COL7A1: variants seen among roughly 807,000 people sequenced by gnomAD.
The protein encoded by COL7A1 is collagen alpha-1(VII) chain.
In COL7A1, 296 loss-of-function variants were observed where a neutral mutation model predicts 456.2. The observed-to-expected ratio is 0.65, with a 90% CI of 0.59 to 0.71. COL7A1 has a LOEUF of 0.71. Among genes scored for constraint, COL7A1 ranks in the 30% least tolerant of loss-of-function variants. COL7A1 has a pLI of 0.00. For missense variants in COL7A1, 3,441 were observed against 4,017.2 expected, an observed-to-expected ratio of 0.86 and a Z score of 3.88; for synonymous variants, 1,464 against 1,525.9, an observed-to-expected ratio of 0.96 and a Z score of 0.95.
At chr3:48,589,548 C>G in intron 17 of COL7A1, 51 bp downstream of exon 17, 1 of 1,612,244 alleles carries the variant, frequency 6.2e-7, no homozygotes, top group East Asian at 2.2e-5. Context: ...CCAATAAACC[C>G]CCAGCCCCCA....
In COL7A1 at chr3:48,578,186, C is replaced by A; in HGVS notation, c.5532+135G>T. ...TCTCAAAAAAAAAAAAACTATGTTT[C>A]TGGATGCATCTGTATGTCTGGGCCA... On this transcript the variant is annotated intron_variant, in intron 65 of 118. Coordinates refer to ENST00000681320, the MANE Select transcript of COL7A1 (RefSeq NM_000094.4). This position sits in a 1 kb window ranked among gnomAD's most constrained non-coding sequence, Gnocchi z 4.7. 2 of 985,140 alleles carry A rather than the reference C, an allele frequency of 2.0e-6. 1 individual carries two copies. The highest frequency in any genetic ancestry group is 3.1e-6 in the Non-Finnish European group (2 of 646,380). 61.0% of individuals were successfully genotyped at this position (985,140 alleles called of 1,614,324 possible).
rs748436301 is a variant in COL7A1 at position 48,593,564 on chromosome 3, G to A, written c.399C>T (p.Pro133=). 1.2e-6 allele frequency: 2 copies of A among 1,614,186 alleles called. No homozygotes were observed. Among genetic ancestry groups the A allele is most frequent in the Non-Finnish European group, 1.7e-6 (2 of 1,180,034 alleles). Residue 133 remains proline, a synonymous_variant, in exon 4 of 119, where the codon CCC becomes CCT. Transcript: ENST00000681320. This position sits in a 1 kb window ranked among gnomAD's most constrained non-coding sequence, Gnocchi z 4.4. ...TGGGGACACCAGGTCGGGCCAGCTG[G>A]GGCAGGAAGACATGGTCAGCCACAT... ...ILHVADHVFL[P]QLARPGVPKV...
Position 48,579,163 on chromosome 3 carries a change from AAGGGGACAACCAGGCAGGACT to A in COL7A1, c.5388+13_5388+33del. ...GGGTCCTCATGTGAAGGGGTAGGGG[AAGGGGACAACCAGGCAGGACT>A]ACCAAGACTCACATTCGGCCCAGAG... is the stretch of plus-strand genomic sequence containing the variant. On this transcript the variant is annotated intron_variant, in intron 62 of 118. Coordinates refer to ENST00000681320, the MANE Select transcript of COL7A1 (RefSeq NM_000094.4). The surrounding 1 kb of genome is among the most constrained non-coding windows in gnomAD (Gnocchi z 4.4). The A allele has an allele frequency of 1.9e-6, 3 of 1,609,946 alleles. No individual in the cohort carries two copies. The East Asian group carries it at 6.7e-5, about 36-fold the overall frequency.
rs774563768 is a variant in COL7A1 at position 48,574,861 on chromosome 3, G to C, written c.6284C>G (p.Ser2095Cys). The C allele has an allele frequency of 6.2e-7, 1 of 1,613,862 alleles. No individual in the cohort carries two copies. ...GAGTCCAGGACCTGGCTCATCCACA[G>C]ACACCTACAAACACAAGGTCACAGG... ...GPPGPPGPKV[S>C]VDEPGPGLSG... Residue 2095 changes from serine to cysteine, a missense_variant, in exon 77 of 119, where the codon TCT becomes TGT. This residue lies in a region of COL7A1 where 2,084 missense variants were observed against 2,501.3 expected (regional missense o/e 0.83). Coordinates refer to ENST00000681320, the MANE Select transcript of COL7A1 (RefSeq NM_000094.4). This position sits in a 1 kb window ranked among gnomAD's most constrained non-coding sequence, Gnocchi z 5.0.
rs764349416 is a variant in COL7A1 at position 48,569,924 on chromosome 3, G to A, written c.7486-9C>T. ...CTGCTGCCAGGGGGCCCCTGTGTGA[G>A]AGAAGGTGACCGTGAGCTACAGGAA... On this transcript the variant is annotated splice_polypyrimidine_tract_variant and intron_variant, in intron 99 of 118. Coordinates refer to ENST00000681320, the MANE Select transcript of COL7A1 (RefSeq NM_000094.4). The surrounding 1 kb of genome is among the most constrained non-coding windows in gnomAD (Gnocchi z 4.9). The A allele has an allele frequency of 2.1e-5, 34 of 1,613,908 alleles. No homozygotes were observed. The highest frequency in any genetic ancestry group is 2.7e-5 in the Non-Finnish European group (32 of 1,179,962).
rs2107650087 is a variant in COL7A1 at position 48,571,149 on chromosome 3, T to C, written c.7116A>G (p.Gly2372=). The C allele has an allele frequency of 4.3e-6, 7 of 1,614,090 alleles. No homozygotes were observed. The African/African-American group carries it at 6.7e-5, about 15-fold the overall frequency. ...GCCCAGGGGAGCCCGGGACCCCGAC[T>C]CCTGGGTCACCCTTTGAGGAAAAGA... ...PGPKGFKGDP[G]VGVPGSPGPP... Residue 2372 remains glycine (G), a synonymous_variant, in exon 94 of 119, where the codon GGA becomes GGG. Coordinates refer to ENST00000681320, the MANE Select transcript of COL7A1 (RefSeq NM_000094.4). The surrounding 1 kb of genome is among the most constrained non-coding windows in gnomAD (Gnocchi z 4.6).
Position 48,580,682 on chromosome 3 carries a change from C to T in COL7A1, c.4981-30G>A. The T allele has an allele frequency of 7.4e-6, 12 of 1,612,528 alleles. No individual in the cohort carries two copies. The highest frequency in any genetic ancestry group is 1.0e-5 in the Non-Finnish European group (12 of 1,178,936). On this transcript the variant is annotated intron_variant, in intron 54 of 118. Transcript: ENST00000681320. This position sits in a 1 kb window ranked among gnomAD's most constrained non-coding sequence, Gnocchi z 4.5. ...GAAGAGCAGCTGGCCTGAGACAGAC[C>T]CTCCCAATATTTTGCAGGTGCCCCT...
In COL7A1 at chr3:48,591,323, T is replaced by C; in HGVS notation, c.1636+141A>G. ...GTTGACAGTTCAGGGCTCAGTGCCA[T>C]CTTGGGAAGCAGATGGATAACGAGA... On this transcript the variant is annotated intron_variant, in intron 13 of 118. Transcript: ENST00000681320. The surrounding 1 kb of genome is among the most constrained non-coding windows in gnomAD (Gnocchi z 7.0). 1 of 1,210,584 alleles carries C rather than the reference T, an allele frequency of 8.3e-7. No individual in the cohort carries two copies. Among genetic ancestry groups the C allele is most frequent in the Non-Finnish European group, 1.2e-6 (1 of 864,532 alleles). 75.0% of individuals were successfully genotyped at this position (1,210,584 alleles called of 1,614,324 possible).
Position 48,593,736 on chromosome 3 carries a change from A to T in COL7A1, c.267-40T>A, listed in dbSNP as rs1229581767. The T allele has an allele frequency of 1.2e-6, 2 of 1,613,712 alleles. No homozygotes were observed. Among genetic ancestry groups the T allele is most frequent in the Admixed American group, 3.3e-5 (2 of 60,008 alleles). On this transcript the variant is annotated intron_variant, in intron 3 of 118. Transcript: ENST00000681320. This position sits in a 1 kb window ranked among gnomAD's most constrained non-coding sequence, Gnocchi z 4.4. ...GGGTGGCAACAGGCTAGGACTCAGGATCTCTTCTGGCCCTGGCCTTGAGGA... is the reference window on the plus strand; with the variant it reads ...GGGTGGCAACAGGCTAGGACTCAGGTTCTCTTCTGGCCCTGGCCTTGAGGA...
rs2045978149 is a variant in COL7A1, at chr3:48,594,997, G to A, written c.85+78C>T. The A allele has an allele frequency of 3.3e-6, 4 of 1,217,212 alleles. No individual in the cohort carries two copies. Among genetic ancestry groups the A allele is most frequent in the Non-Finnish European group, 4.7e-6 (4 of 857,782 alleles). 75.4% of individuals were successfully genotyped at this position (1,217,212 alleles called of 1,614,324 possible). ...GTTGGCTGGGTTGTGGGCGGGGGGT[G>A]TTGGGGATGAAGGCCGAGTGGAGCG... On this transcript the variant is annotated intron_variant, in intron 2 of 118. Coordinates refer to ENST00000681320, the MANE Select transcript of COL7A1 (RefSeq NM_000094.4). This position sits in a 1 kb window ranked among gnomAD's most constrained non-coding sequence, Gnocchi z 5.5.
Position 48,592,271 on chromosome 3 carries a change from C to T in COL7A1, c.1094-23G>A, listed in dbSNP as rs1308607759. On this transcript the variant is annotated intron_variant, in intron 9 of 118. Coordinates refer to ENST00000681320, the MANE Select transcript of COL7A1 (RefSeq NM_000094.4). The surrounding 1 kb of genome is among the most constrained non-coding windows in gnomAD (Gnocchi z 7.6). ...CACCTGCATGGGGGACACCAAGGGGCCAGTGGGCCTTGCAGACTCAGGACT... is the reference window on the plus strand; with the variant it reads ...CACCTGCATGGGGGACACCAAGGGGTCAGTGGGCCTTGCAGACTCAGGACT... 1.2e-6 allele frequency: 2 copies of T among 1,613,914 alleles called. No homozygotes were observed. The highest frequency in any genetic ancestry group is 1.1e-5 in the South Asian group (1 of 91,084).
Position 48,565,968 on chromosome 3 carries a change from C to T in COL7A1, c.8407+299G>A, listed in dbSNP as rs1361181811. Among the ~76,000 whole-genome samples, 1 of 152,138 alleles carries T rather than the reference C, an allele frequency of 6.6e-6. No individual in the cohort carries two copies. Among genetic ancestry groups the T allele is most frequent in the African/African-American group, 2.4e-5 (1 of 41,404 alleles). On this transcript the variant is annotated intron_variant, in intron 114 of 118. Coordinates refer to ENST00000681320, the MANE Select transcript of COL7A1 (RefSeq NM_000094.4). This position sits in a 1 kb window ranked among gnomAD's most constrained non-coding sequence, Gnocchi z 4.5. ...GGGAAGAGACAGCTTCACTCTGATGCCCCTCCCACCGGGTCCAGGTCAGGC... is the reference window on the plus strand; with the variant it reads ...GGGAAGAGACAGCTTCACTCTGATGTCCCTCCCACCGGGTCCAGGTCAGGC...
chr3:48,568,085 C>A lies in COL7A1; in HGVS notation c.7875+5G>T. The A allele has an allele frequency of 6.2e-7, 1 of 1,614,190 alleles. No homozygotes were observed. Among genetic ancestry groups the A allele is most frequent in the Non-Finnish European group, 8.5e-7 (1 of 1,180,020 alleles). On this transcript the variant is annotated splice_donor_5th_base_variant and intron_variant, in intron 106 of 118. Coordinates refer to ENST00000681320, the MANE Select transcript of COL7A1 (RefSeq NM_000094.4). This position sits in a 1 kb window ranked among gnomAD's most constrained non-coding sequence, Gnocchi z 5.2. ...AGAAAAAAACCAATCTTGTTTCTTT[C>A]CTACCTTGAGGCCCCGGGGACCCAT...
Position 48,590,649 on chromosome 3 carries a change from C to A in COL7A1, c.1780+24G>T. 1 of 1,613,988 alleles carries A rather than the reference C, an allele frequency of 6.2e-7. No homozygotes were observed. Among genetic ancestry groups the A allele is most frequent in the Non-Finnish European group, 8.5e-7 (1 of 1,180,036 alleles). ...CCAGAGTGAGGCAGGCAGCTGTCCTCCACAAGCCTCCTGCAGTACTCACCC... is the reference window on the plus strand; with the variant it reads ...CCAGAGTGAGGCAGGCAGCTGTCCTACACAAGCCTCCTGCAGTACTCACCC... On this transcript the variant is annotated intron_variant, in intron 14 of 118. Transcript: ENST00000681320. The surrounding 1 kb of genome is among the most constrained non-coding windows in gnomAD (Gnocchi z 4.6).
In COL7A1 at chr3:48,574,843, G is replaced by A. The variant is rs777867555; in HGVS notation, c.6302C>T (p.Pro2101Leu). 1.9e-6 allele frequency: 3 copies of A among 1,613,946 alleles called. No homozygotes were observed. The highest frequency in any genetic ancestry group is 3.3e-5 in the Admixed American group (2 of 60,016). Residue 2101 changes from proline (P) to leucine (L), a missense_variant, in exon 77 of 119, where the codon CCT (proline) becomes CTT (leucine). By Grantham distance (98) the Pro-to-Leu change is moderately conservative. Around this residue, in one of 3 missense-constraint regions of COL7A1, gnomAD observed 2,084 missense variants for 2,501.3 expected, o/e 0.83. Transcript: ENST00000681320. This position sits in a 1 kb window ranked among gnomAD's most constrained non-coding sequence, Gnocchi z 5.0. ...GPKVSVDEPG[P>L]GLSGEQGPPG... ...GGGTCCCTGTTCTCCAGAGAGTCCA[G>A]GACCTGGCTCATCCACAGACACCTA...
Position 48,578,904 on chromosome 3 carries a change from T to C in COL7A1, c.5424+15A>G. On this transcript the variant is annotated intron_variant, in intron 63 of 118. Coordinates refer to ENST00000681320, the MANE Select transcript of COL7A1 (RefSeq NM_000094.4). This position sits in a 1 kb window ranked among gnomAD's most constrained non-coding sequence, Gnocchi z 4.7. ...GCCCCGAGCCCCCTCTGTCCCAGCA[T>C]CTCCCCTCACTTACGTCTCTCCCTG... The C allele has an allele frequency of 6.2e-7, 1 of 1,613,326 alleles. No homozygotes were observed. The highest frequency in any genetic ancestry group is 8.5e-7 in the Non-Finnish European group (1 of 1,179,654).
In COL7A1 at chr3:48,587,061, G is replaced by C. The variant is rs906583553; in HGVS notation, c.3187C>G (p.Gln1063Glu). 7.5e-6 allele frequency: 12 copies of C among 1,610,534 alleles called. No homozygotes were observed. The highest frequency in any genetic ancestry group is 8.5e-6 in the Non-Finnish European group (10 of 1,178,510). Reference sequence around the variant, plus strand: ...GCCTCCGCACGGTGAGCATTGTCTTGAGTGGCATGTGGTAGGAACACCACA... The same window carrying C: ...GCCTCCGCACGGTGAGCATTGTCTTCAGTGGCATGTGGTAGGAACACCACA... The part of the protein sequence containing the change: ...ADVVFLPHAT[Q>E]DNAHRAEATR... Residue 1063 changes from glutamine to glutamate, a missense_variant, in exon 25 of 119, where the codon CAA (glutamine) becomes GAA (glutamate). Physicochemically the swap from Gln to Glu is conservative, Grantham distance 29. This residue lies in a region of COL7A1 where 444 missense variants were observed against 427.6 expected (regional missense o/e 1.04). Coordinates refer to ENST00000681320, the MANE Select transcript of COL7A1 (RefSeq NM_000094.4). The surrounding 1 kb of genome is among the most constrained non-coding windows in gnomAD (Gnocchi z 6.1).
In COL7A1 at chr3:48,573,155, G is replaced by T; in HGVS notation, c.6714+19C>A. The T allele has an allele frequency of 6.2e-7, 1 of 1,613,998 alleles. No individual in the cohort carries two copies. The highest frequency in any genetic ancestry group is 8.5e-7 in the Non-Finnish European group (1 of 1,179,916). ...GTGAAAACACGGTGTCCCTACAGGGGCCACAGGGACTCACTCACCACAAGG... is the reference window on the plus strand; with the variant it reads ...GTGAAAACACGGTGTCCCTACAGGGTCCACAGGGACTCACTCACCACAAGG... On this transcript the variant is annotated intron_variant, in intron 85 of 118. Coordinates refer to ENST00000681320, the MANE Select transcript of COL7A1 (RefSeq NM_000094.4). This position sits in a 1 kb window ranked among gnomAD's most constrained non-coding sequence, Gnocchi z 5.5.
In COL7A1 at chr3:48,578,589, A is replaced by AC; in HGVS notation, c.5425-75dup. The AC allele has an allele frequency of 6.5e-7, 1 of 1,532,036 alleles. No individual in the cohort carries two copies. The highest frequency in any genetic ancestry group is 9.0e-7 in the Non-Finnish European group (1 of 1,111,030). 94.9% of individuals were successfully genotyped at this position (1,532,036 alleles called of 1,614,324 possible). A position where few individuals can be genotyped will look rare whatever the true frequency, so the allele number is the denominator to read the frequency against. ...GGGGCACACCCCATGGACTAAGAGG[A>AC]CCCCAAAAAGATCTCCCTCCAGGGT... On this transcript the variant is annotated intron_variant, in intron 63 of 118. Coordinates refer to ENST00000681320, the MANE Select transcript of COL7A1 (RefSeq NM_000094.4). This position sits in a 1 kb window ranked among gnomAD's most constrained non-coding sequence, Gnocchi z 4.7.
Sources: allele counts gnomAD v4.1 joint callset (sites outside exome capture counted in the v4.1 genomes callset), GRCh38; gene constraint gnomAD v4.1.1; regional missense constraint gnomAD v4.1.1; non-coding constraint Gnocchi (gnomAD v3.1); transcripts MANE v1.5; gene names NCBI Gene and HGNC (gene_info 2026-07-23, HGNC 2026-07-21).